Variants in SOX5 observed in about 807,000 individuals in gnomAD.
The protein encoded by SOX5 is SRY-box transcription factor 5.
A neutral mutation model predicts 92.0 loss-of-function variants in SOX5; 9 were observed. The observed-to-expected ratio is 0.10, with a 90% CI of 0.06 to 0.17. The LOEUF (loss-of-function observed/expected upper bound fraction) is 0.17, where lower values mean the gene tolerates loss of function less well. Among genes scored for constraint, SOX5 ranks in the 10% least tolerant of loss-of-function variants. SOX5 has a pLI of 1.00. For synonymous variants in SOX5, 344 were observed against 336.3 expected (o/e 1.02, Z -0.25); for missense variants, 642 against 944.5 (o/e 0.68, Z 4.20).
At chr12:24,550,850 T>G (rs1382088654) in intron 1 of SOX5, among the ~76,000 whole-genome samples, 1 of 152,248 alleles carries the variant, frequency 6.6e-6, no homozygotes, top group Non-Finnish European at 1.5e-5. Context: ...TATGCAGGGC[T>G]TGAGCCATGA....
chr12:24,147,414 G>A (rs921321246), intron 4 of SOX5, among the ~76,000 whole-genome samples: 3 of 152,124 alleles, frequency 2.0e-5, no homozygotes, highest in Non-Finnish European at 4.4e-5. Flanking sequence ...ACTAGGTATA[G>A]GAAGCAATAT....
At chr12:24,197,910 C>T (rs1957157848) in intron 4 of SOX5, among the ~76,000 whole-genome samples, 1 of 152,044 alleles carries the variant, frequency 6.6e-6, no homozygotes, top group African/African-American at 2.4e-5. Context: ...CCTGGTCTGC[C>T]CACTTATCAT....
At chr12:24,095,444 T>C (rs1160004303) in intron 4 of SOX5, among the ~76,000 whole-genome samples, 1 of 150,442 alleles carries the variant, frequency 6.6e-6, no homozygotes, top group Non-Finnish European at 1.5e-5. Context: ...TATTTATTTA[T>C]TTATTTATTT....
At chr12:24,077,189 C>G (rs1417864411) in intron 4 of SOX5, among the ~76,000 whole-genome samples, 1 of 152,150 alleles carries the variant, frequency 6.6e-6, no homozygotes, top group Non-Finnish European at 1.5e-5. Context: ...GCAAGCTACA[C>G]AGACCAATTT....
intron 9 of SOX5, among the ~76,000 whole-genome samples, chr12:23,590,954 G>A (rs1951451408): frequency 6.6e-6 from 1 of 151,972 alleles, no homozygotes; most frequent in African/African-American, 2.4e-5. Context: ...ACTCATTTAT[G>A]ACAAGTTATA....
At chr12:24,062,498 A>G (rs1311167958) in intron 4 of SOX5, among the ~76,000 whole-genome samples, 4 of 152,198 alleles carry the variant, frequency 2.6e-5, no homozygotes, top group African/African-American at 4.8e-5. Context: ...AATATATTAC[A>G]GTGTCTTAAG....
chr12:24,538,595 CTAAACACACA>C (rs1363117939), intron 1 of SOX5, among the ~76,000 whole-genome samples: 1 of 72,150 alleles, frequency 1.4e-5, no homozygotes, highest in African/African-American at 6.2e-5. Flanking sequence ...TAAGCTGGAT[CTAAACACACA>C]CACACACACA....
At chr12:23,873,314 A>C (rs2136879298) in intron 2 of SOX5, among the ~76,000 whole-genome samples, 1 of 152,130 alleles carries the variant, frequency 6.6e-6, no homozygotes, top group South Asian at 2.1e-4. Context: ...CCAAAAAAAA[A>C]AGCAGAAAAT....
chr12:23,643,366 G>A lies in SOX5; in HGVS notation c.932-2469C>T, dbSNP rs1037039361. ...GGTGTTGTTGCGGGGAAGGAACAAA[G>A]AGTTCTGTTTTAGATATTTTAAGTT... On this transcript the variant is annotated intron_variant, in intron 7 of 14. Coordinates refer to ENST00000451604, the MANE Select transcript of SOX5 (RefSeq NM_006940.6). 2.0e-5 allele frequency among the ~76,000 whole-genome samples: 3 copies of A among 152,230 alleles called. No individual in the cohort carries two copies. In the East Asian group the frequency reaches 5.8e-4, roughly 29 times the overall value.
At chr12:24,164,997 T>C (rs1325545554) in intron 4 of SOX5, among the ~76,000 whole-genome samples, 19 of 152,086 alleles carry the variant, frequency 1.2e-4, no homozygotes, top group Admixed American at 1.2e-3. Context: ...GGCATTTTTT[T>C]AGTATACAGG....
intron 11 of SOX5, among the ~76,000 whole-genome samples, chr12:23,557,090 G>C (rs1434239039): frequency 6.6e-6 from 1 of 152,126 alleles, no homozygotes; most frequent in Non-Finnish European, 1.5e-5. Flanking sequence ...CTGTTAAAGG[G>C]AAAGAAAAGG....
intron 3 of SOX5, among the ~76,000 whole-genome samples, chr12:23,786,535 C>T (rs963557911): frequency 7.6e-5 from 7 of 91,890 alleles, no homozygotes; most frequent in African/African-American, 2.2e-4. Context: ...CAGAGTGAGA[C>T]TCCATCTCAA....
chr12:23,995,244 T>G (rs1025320970), intron 4 of SOX5, among the ~76,000 whole-genome samples: 6 of 152,326 alleles, frequency 3.9e-5, no homozygotes, highest in Non-Finnish European at 8.8e-5. Context: ...AATATATACG[T>G]CTGACATTTA....
At chr12:24,199,329 C>T (rs1957304217) in intron 4 of SOX5, among the ~76,000 whole-genome samples, 1 of 152,174 alleles carries the variant, frequency 6.6e-6, no homozygotes, top group South Asian at 2.1e-4. Flanking sequence ...ATATCTAAGT[C>T]CCAGCACCAA....
intron 4 of SOX5, among the ~76,000 whole-genome samples, chr12:24,184,340 G>A (rs1489589125): frequency 2.6e-5 from 4 of 152,060 alleles, no homozygotes; most frequent in Non-Finnish European, 5.9e-5. Context: ...TACACTAGAT[G>A]ATAGAATCAC....
intron 8 of SOX5, among the ~76,000 whole-genome samples, chr12:23,621,366 A>G (rs943966518): frequency 1.3e-5 from 2 of 152,118 alleles, no homozygotes; most frequent in East Asian, 3.9e-4. Flanking sequence ...TGTACTGGAC[A>G]CAGACAGTGG....
chr12:23,849,690 T>A (rs1050879081), intron 2 of SOX5, among the ~76,000 whole-genome samples: 3 of 152,190 alleles, frequency 2.0e-5, no homozygotes, highest in Admixed American at 6.5e-5. Flanking sequence ...ACAAATGAGA[T>A]ATATGCATTT....
intron 6 of SOX5, among the ~76,000 whole-genome samples, chr12:23,713,585 C>A (rs1413643077): frequency 1.3e-5 from 2 of 151,452 alleles, no homozygotes; most frequent in Non-Finnish European, 2.9e-5. Flanking sequence ...AATACTGTGG[C>A]ATTATTTAGT....
At chr12:24,201,252 CT>C (rs1388897475) in intron 4 of SOX5, among the ~76,000 whole-genome samples, 21 of 152,204 alleles carry the variant, frequency 1.4e-4, no homozygotes, top group Admixed American at 1.2e-3. Flanking sequence ...ATGTTGTGCG[CT>C]CATGTGGAAA....
Sources: gnomAD v4.1 joint callset for allele counts (sites outside exome capture counted in the v4.1 genomes callset) on GRCh38, gnomAD v4.1.1 for gene constraint, MANE v1.5 for transcripts, NCBI Gene and HGNC (gene_info 2026-07-23, HGNC 2026-07-21) for gene names.